The following URI1 variants were observed in gnomAD, a reference collection of about 807,000 sequenced individuals.
URI1 encodes URI1 prefoldin like chaperone.
Under a neutral mutation model 60.2 loss-of-function variants are expected in URI1, and 39 were observed. The ratio of observed to expected loss-of-function variants is 0.65; its 90% CI spans 0.50 to 0.85. The LOEUF (loss-of-function observed/expected upper bound fraction) is 0.85, where lower values mean the gene tolerates loss of function less well. URI1 is among the 40% of genes least tolerant of loss of function. The pLI, the probability that URI1 is intolerant of heterozygous loss-of-function variation, is 0.00. For synonymous variants in URI1, 251 were observed against 236.8 expected (o/e 1.06, Z -0.55); for missense variants, 691 against 665.9 (o/e 1.04, Z -0.42).
chr19:29,959,596 T>C (rs1380285009), intron 1 of URI1, among the ~76,000 whole-genome samples: 1 of 152,184 alleles, frequency 6.6e-6, no homozygotes, highest in African/African-American at 2.4e-5. Context: ...TTTTAGAAAA[T>C]GTGATTTTCA....
chr19:29,990,502 C>G (rs2055733136), intron 4 of URI1, among the ~76,000 whole-genome samples: 1 of 152,180 alleles, frequency 6.6e-6, no homozygotes, highest in Admixed American at 6.5e-5. Flanking sequence ...ACCTAAATGT[C>G]TATCAACTAA....
At chr19:30,009,442 T>G in intron 8 of URI1, 89 bp downstream of exon 8, 23 of 1,224,222 alleles carry the variant, frequency 1.9e-5, no homozygotes, top group Non-Finnish European at 2.5e-5. Context: ...TTAACAATCA[T>G]TATCATTGTG....
intron 1 of URI1, among the ~76,000 whole-genome samples, chr19:29,929,107 T>C (rs1313532152): frequency 6.6e-6 from 1 of 152,220 alleles, no homozygotes; most frequent in Non-Finnish European, 1.5e-5. Context: ...GAGGTTTTTG[T>C]ATTGACACAA....
Position 30,015,623 on chromosome 19 carries a change from T to C in URI1, c.*554T>C, listed in dbSNP as rs1277597366. 2.7e-6 allele frequency: 4 copies of C among 1,485,778 alleles called. No individual in the cohort carries two copies. Among genetic ancestry groups the C allele is most frequent in the Non-Finnish European group, 3.6e-6 (4 of 1,118,378 alleles). The allele number at this position is 1,485,778 out of a possible 1,614,324, so 92.0% of individuals were successfully genotyped here. A position where few individuals can be genotyped will look rare whatever the true frequency, so the allele number is the denominator to read the frequency against. On this transcript the variant is annotated 3_prime_UTR_variant, in exon 11 of 11. Coordinates refer to ENST00000392271, the MANE Select transcript of URI1 (RefSeq NM_003796.3). Reference sequence around the variant, plus strand: ...AAGGAAGAAAGCTACATGAATTAATTGTACTCTATGGGAAAATTTCTTTGG... The same window carrying C: ...AAGGAAGAAAGCTACATGAATTAATCGTACTCTATGGGAAAATTTCTTTGG...
chr19:30,014,806 A>G, intron 10 of URI1, 81 bp from the exon 11 acceptor site: 1 of 1,370,682 alleles, frequency 7.3e-7, no homozygotes, highest in South Asian at 1.4e-5. Flanking sequence ...TAATGAAAAG[A>G]ATTGCCAAAT....
chr19:30,009,026 A>G lies in URI1; in HGVS notation c.708A>G (p.Ala236=). 2 of 1,611,018 alleles carry G rather than the reference A, an allele frequency of 1.2e-6. No homozygotes were observed. The highest frequency in any genetic ancestry group is 3.3e-5 in the Admixed American group (2 of 59,946). Residue 236 remains alanine (A), a synonymous_variant, in exon 8 of 11, where the codon GCA becomes GCG. Coordinates refer to ENST00000392271, the MANE Select transcript of URI1 (RefSeq NM_003796.3). ...ELDSKPDTVI[A]NGEDTTSSEE... is the part of the protein sequence containing the mutation. ...CTAGTAAGCCTGATACTGTGATTGC[A>G]AATGGAGAAGATACGACATCTTCTG... is the stretch of plus-strand genomic sequence containing the variant.
rs748117683 is a variant in URI1, at chr19:30,005,459, A to G, written c.459+7A>G. ...TTTGCAGAAAATGAGCGATGTGAGT[A>G]TTTGTTTTTAGTCTTCTATATTTTT... On this transcript the variant is annotated splice_region_variant and intron_variant, in intron 5 of 10. Transcript: ENST00000392271. 1.9e-6 allele frequency: 3 copies of G among 1,585,166 alleles called. No homozygotes were observed. Among genetic ancestry groups the G allele is most frequent in the East Asian group, 4.5e-5 (2 of 44,410 alleles).
At chr19:29,946,967 G>A (rs1166391708) in intron 1 of URI1, among the ~76,000 whole-genome samples, 1 of 152,202 alleles carries the variant, frequency 6.6e-6, no homozygotes, top group African/African-American at 2.4e-5. Context: ...AGAAAAACAG[G>A]AAGGTAAGAG....
rs555016344 is a variant in URI1 at position 29,942,245 on chromosome 19, G to A, written c.-303G>A. 2.5e-3 allele frequency: 2,432 copies of A among 984,776 alleles called. 58 individuals carry two copies. The African/African-American group carries it at 0.04, about 16-fold the overall frequency. 61.0% of individuals were successfully genotyped at this position (984,776 alleles called of 1,614,324 possible). A position where few individuals can be genotyped will look rare whatever the true frequency, so the allele number is the denominator to read the frequency against. ...GTGCCGCGAGAGGCGGGGCGTGTGGGGAGGCGCGGCCGCCACGCGACGCCT... is the reference window on the plus strand; with the variant it reads ...GTGCCGCGAGAGGCGGGGCGTGTGGAGAGGCGCGGCCGCCACGCGACGCCT... On this transcript the variant is annotated 5_prime_UTR_variant, in exon 1 of 11. Transcript: ENST00000392271.
intron 2 of URI1, among the ~76,000 whole-genome samples, chr19:29,975,161 T>A (rs569813613): frequency 6.6e-6 from 1 of 152,296 alleles, no homozygotes; most frequent in South Asian, 2.1e-4. Context: ...TCCAAACTGC[T>A]GTCCACAGTG....
chr19:29,992,705 A>G (rs2055762045), intron 4 of URI1, among the ~76,000 whole-genome samples: 1 of 152,208 alleles, frequency 6.6e-6, no homozygotes, highest in Non-Finnish European at 1.5e-5. Flanking sequence ...TTTTTACGTT[A>G]GAGAGCAATT....
At chr19:29,945,040 C>G (rs1027270925) in intron 1 of URI1, among the ~76,000 whole-genome samples, 1 of 152,214 alleles carries the variant, frequency 6.6e-6, no homozygotes, top group African/African-American at 2.4e-5. Flanking sequence ...ATATGTGGCA[C>G]TTAGTATTCC....
intron 2 of URI1, among the ~76,000 whole-genome samples, chr19:29,976,787 G>T (rs2055528272): frequency 6.6e-6 from 1 of 152,040 alleles, no homozygotes; most frequent in African/African-American, 2.4e-5. Flanking sequence ...TTATTGCCTT[G>T]CTTCCTTTAT....
chr19:29,993,428 A>C (rs762530064), intron 4 of URI1, among the ~76,000 whole-genome samples: 1 of 152,178 alleles, frequency 6.6e-6, no homozygotes, highest in Non-Finnish European at 1.5e-5. Flanking sequence ...ATATCCCTTT[A>C]GTCTTGTTTA....
At chr19:29,952,310 A>G (rs1285432041) in intron 1 of URI1, among the ~76,000 whole-genome samples, 1 of 152,250 alleles carries the variant, frequency 6.6e-6, no homozygotes, top group Non-Finnish European at 1.5e-5. Context: ...ATGTCCTCTT[A>G]GAACAATGAG....
At chr19:29,940,030 A>G (rs1267228724), upstream of URI1, among the ~76,000 whole-genome samples, 2 of 152,150 alleles carry the variant, frequency 1.3e-5, no homozygotes, top group African/African-American at 4.8e-5. Flanking sequence ...AATAGTTTAG[A>G]GGTGTGCGAA....
rs1306235225 is a variant in URI1 at position 29,968,087 on chromosome 19, T to TA, written c.118-3105dup. ...TAGTTCTTTTTCTTTACTGTGGACT[T>TA]ACTGCTGTACTTCTATGTAGGTACA... On this transcript the variant is annotated intron_variant, in intron 1 of 10. Transcript: ENST00000392271. Among the ~76,000 whole-genome samples the TA allele has an allele frequency of 8.5e-5, 13 of 152,344 alleles. No homozygotes were observed. The East Asian group carries it at 2.5e-3, about 29-fold the overall frequency.
intron 1 of URI1, among the ~76,000 whole-genome samples, chr19:29,934,500 G>T (rs2054951317): frequency 6.6e-6 from 1 of 152,082 alleles, no homozygotes; most frequent in Non-Finnish European, 1.5e-5. Flanking sequence ...ATCCCACGTG[G>T]TTTTTCTTAT....
intron 1 of URI1, among the ~76,000 whole-genome samples, chr19:29,953,498 G>A (rs2055205165): frequency 6.6e-6 from 1 of 152,092 alleles, no homozygotes; most frequent in African/African-American, 2.4e-5. Flanking sequence ...AAAACAATCT[G>A]AATTCTCAAC....
Sources: allele counts gnomAD v4.1 joint callset (sites outside exome capture counted in the v4.1 genomes callset), GRCh38; gene constraint gnomAD v4.1.1; transcripts MANE v1.5; gene names NCBI Gene and HGNC (gene_info 2026-07-23, HGNC 2026-07-21).